RPA2: variants seen among roughly 807,000 people sequenced by gnomAD.
RPA2 encodes the protein replication protein A2.
RPA2 carries 22 observed loss-of-function variants against 33.4 expected under a neutral mutation model. That is an observed-to-expected ratio of 0.66 (90% CI 0.47 to 0.94). The LOEUF is 0.94. RPA2 is among the 40% of genes least tolerant of loss of function. The pLI is 0.00. For synonymous variants in RPA2, 109 were observed against 114.9 expected (o/e 0.95, Z 0.33); for missense variants, 279 against 329.9 (o/e 0.85, Z 1.19).
chr1:27,914,165 T>G lies in RPA2; in HGVS notation c.15A>C (p.Gly5=), dbSNP rs1373572804. 2 of 1,613,504 alleles carry G rather than the reference T, an allele frequency of 1.2e-6. No homozygotes were observed. Among genetic ancestry groups the G allele is most frequent in the Admixed American group, 3.3e-5 (2 of 59,970 alleles). Residue 5 remains glycine (G), a synonymous_variant, in exon 2 of 9, where the codon GGA becomes GGC. Coordinates refer to ENST00000373912, the MANE Select transcript of RPA2 (RefSeq NM_002946.5). MWNS[G]FESYGSSSYG... is the part of the protein sequence containing the mutation. The stretch of plus-strand genomic sequence containing the variant: ...ATGAGGAGCTGCCATAGCTTTCGAA[T>G]CCACCTGTTTTGAACAACAGGATTA...
chr1:27,904,105 G>A (rs943776071), intron 4 of RPA2, among the ~76,000 whole-genome samples: 2 of 151,246 alleles, frequency 1.3e-5, no homozygotes, highest in African/African-American at 4.9e-5. Flanking sequence ...CGGAGGTTGT[G>A]GTGAGCTGGA....
intron 2 of RPA2, among the ~76,000 whole-genome samples, chr1:27,907,710 C>A (rs1028844185): frequency 2.0e-5 from 3 of 152,144 alleles, no homozygotes; most frequent in Admixed American, 1.3e-4. Context: ...CTAATGGAGA[C>A]AGGACTTTGG....
rs1273358149 is a variant in RPA2 at position 27,914,152 on chromosome 1, C to G, written c.28G>C (p.Gly10Arg). 1.2e-6 allele frequency: 2 copies of G among 1,613,550 alleles called. No individual in the cohort carries two copies. Among genetic ancestry groups the G allele is most frequent in the Non-Finnish European group, 1.7e-6 (2 of 1,179,892 alleles). The part of the protein sequence containing the change: MWNSGFESY[G>R]SSSYGGAGGY... Reference sequence around the variant, plus strand: ...CCGGCTCCCCCGTATGAGGAGCTGCCATAGCTTTCGAATCCACCTGTTTTG... The same window carrying G: ...CCGGCTCCCCCGTATGAGGAGCTGCGATAGCTTTCGAATCCACCTGTTTTG... The change falls in exon 2 of 9, where the codon GGC becomes CGC. Residue 10 changes from glycine to arginine, a missense_variant. Physicochemically the swap from Gly to Arg is moderately radical, Grantham distance 125 (BLOSUM62 -2). Around this residue, in one of 2 missense-constraint regions of RPA2, gnomAD observed 274 missense variants for 310.3 expected, o/e 0.88. Transcript: ENST00000373912.
In RPA2 at chr1:27,907,256, G is replaced by C. The variant is rs889276630; in HGVS notation, c.144C>G (p.Pro48=). The part of the protein sequence containing the change: ...KSRARAQHIV[P]CTISQLLSAT... ...CAGAAAGCAGCTGAGATATAGTACA[G>C]GGCACAATGTGCTGGGCTCGGGCTC... Residue 48 remains proline (P), a synonymous_variant, in exon 3 of 9, where the codon CCC becomes CCG. Transcript: ENST00000373912. 1.2e-6 allele frequency: 2 copies of C among 1,612,776 alleles called. No homozygotes were observed. Among genetic ancestry groups the C allele is most frequent in the Non-Finnish European group, 1.7e-6 (2 of 1,179,504 alleles).
At chr1:27,908,710 C>G (rs994725385) in intron 2 of RPA2, among the ~76,000 whole-genome samples, 1 of 152,140 alleles carries the variant, frequency 6.6e-6, no homozygotes, top group Non-Finnish European at 1.5e-5. Context: ...GTTAGCCAGG[C>G]TGGTCTCGAA....
intron 4 of RPA2, among the ~76,000 whole-genome samples, chr1:27,906,613 C>T (rs1187760864): frequency 6.6e-6 from 1 of 152,080 alleles, no homozygotes; most frequent in East Asian, 1.9e-4. Context: ...CGCTTGAGCC[C>T]GGGATGCGGA....
chr1:27,897,470 T>TAAA (rs55902224), intron 5 of RPA2, among the ~76,000 whole-genome samples, 163 bp downstream of exon 5: 1 of 144,470 alleles, frequency 6.9e-6, no homozygotes, highest in African/African-American at 2.5e-5. Flanking sequence ...ATGTTAAGGT[T>TAAA]AAAAAAAAAA....
rs1376829187 is a variant in RPA2, at chr1:27,902,687, T to A, written c.333+4241A>T. Among the ~76,000 whole-genome samples, 3 of 152,002 alleles carry A rather than the reference T, an allele frequency of 2.0e-5. No homozygotes were observed. The East Asian group carries it at 5.8e-4, about 29-fold the overall frequency. On this transcript the variant is annotated intron_variant, in intron 4 of 8. Coordinates refer to ENST00000373912, the MANE Select transcript of RPA2 (RefSeq NM_002946.5). ...GGATAGGCACAGAGGCTCACACCTG[T>A]AATCCCAGCACTTTGGGAGGCTGAG... is the stretch of plus-strand genomic sequence containing the variant.
chr1:27,914,758 G>A, upstream of RPA2: 1 of 1,338,906 alleles, frequency 7.5e-7, no homozygotes, highest in South Asian at 1.2e-5. Context: ...GAAGCAAGGG[G>A]CTGGCAGAGC....
chr1:27,892,708 A>G (rs1044984925), intron 8 of RPA2, among the ~76,000 whole-genome samples: 4 of 152,224 alleles, frequency 2.6e-5, no homozygotes, highest in Non-Finnish European at 4.4e-5. Flanking sequence ...AAACCCTTCA[A>G]GGTCCTCAGG....
At chr1:27,911,535 CTTG>C (rs1238757061) in intron 2 of RPA2, among the ~76,000 whole-genome samples, 1 of 152,136 alleles carries the variant, frequency 6.6e-6, no homozygotes, top group East Asian at 1.9e-4. Flanking sequence ...AATCATCTAC[CTTG>C]TTTTCTCCTT....
At chr1:27,908,499 T>C (rs2749110) in intron 2 of RPA2, among the ~76,000 whole-genome samples, 68,601 of 151,464 alleles carry the variant, frequency 0.45, 16,553 homozygotes, top group African/African-American at 0.63. Flanking sequence ...ACACTCAAAT[T>C]ATATCTTTTT....
At chr1:27,897,423 G>A (rs1015478890) in intron 5 of RPA2, among the ~76,000 whole-genome samples, 13 of 151,142 alleles carry the variant, frequency 8.6e-5, no homozygotes, top group African/African-American at 3.2e-4. Flanking sequence ...AATTGTAGAA[G>A]GAGATTCTGT....
In RPA2 at chr1:27,901,592, C is replaced by T. The variant is rs1175586258; in HGVS notation, c.334-3885G>A. 3.3e-5 allele frequency among the ~76,000 whole-genome samples: 5 copies of T among 152,098 alleles called. No homozygotes were observed. In the East Asian group the frequency reaches 9.6e-4, roughly 29 times the overall value. On this transcript the variant is annotated intron_variant, in intron 4 of 8. Coordinates refer to ENST00000373912, the MANE Select transcript of RPA2 (RefSeq NM_002946.5). ...GCCAGGCTGGTCTTGAACTCCTGAC[C>T]TCAGGTGACCCTCCCGCCTCGGCCT...
At chr1:27,914,413 A>T in intron 1 of RPA2, 21 bp downstream of exon 1, 2 of 1,605,302 alleles carry the variant, frequency 1.2e-6, no homozygotes, top group South Asian at 2.2e-5. Context: ...TTCCTCCTCC[A>T]CCCCGCACCC....
At chr1:27,910,904 T>C (rs1410240786) in intron 2 of RPA2, among the ~76,000 whole-genome samples, 1 of 151,934 alleles carries the variant, frequency 6.6e-6, no homozygotes, top group East Asian at 1.9e-4. Flanking sequence ...CTTTTAACTG[T>C]GGAAAATACT....
chr1:27,906,899 C>A, intron 4 of RPA2, 29 bp downstream of exon 4: 1 of 1,488,670 alleles, frequency 6.7e-7, no homozygotes, highest in South Asian at 1.2e-5. Context: ...CCAAAGTAAC[C>A]CCATCATGAT....
chr1:27,894,011 C>A lies in RPA2; in HGVS notation c.728+1G>T. ...TGAGCTCATGAAAATCAAATACTTACTTGATTGAGGATACAGACATGTGTT... is the reference window on the plus strand; with the variant it reads ...TGAGCTCATGAAAATCAAATACTTAATTGATTGAGGATACAGACATGTGTT... On this transcript the variant is annotated splice_donor_variant, in intron 8 of 8. Transcript: ENST00000373912. LOFTEE classifies it high-confidence loss of function. The A allele has an allele frequency of 6.2e-7, 1 of 1,608,456 alleles. No homozygotes were observed. Among genetic ancestry groups the A allele is most frequent in the Non-Finnish European group, 8.5e-7 (1 of 1,174,766 alleles).
chr1:27,914,461 G>A lies in RPA2; in HGVS notation c.-18C>T, dbSNP rs55654972. The A allele has an allele frequency of 2.7e-3, 4,346 of 1,590,518 alleles. 94 individuals are homozygous for A. The African/African-American group carries it at 0.049, about 18-fold the overall frequency. ...TTCCACATCTTGGTCACGATTCTCC[G>A]CAAAGAGGCCGAGAAGGTGCGGGTC... On this transcript the variant is annotated 5_prime_UTR_variant, in exon 1 of 9. Coordinates refer to ENST00000373912, the MANE Select transcript of RPA2 (RefSeq NM_002946.5).
Sources: allele counts gnomAD v4.1 joint callset (sites outside exome capture counted in the v4.1 genomes callset), GRCh38; gene constraint gnomAD v4.1.1; regional missense constraint gnomAD v4.1.1; transcripts MANE v1.5; gene names NCBI Gene and HGNC (gene_info 2026-07-23, HGNC 2026-07-21).